The following CRLF3 variants were observed in gnomAD, a reference collection of about 807,000 sequenced individuals.
CRLF3 encodes cytokine receptor like factor 3, also known as cytokine receptor-like factor 3.
CRLF3 carries 33 observed loss-of-function variants against 55.0 expected under a neutral mutation model. The ratio of observed to expected loss-of-function variants is 0.60; its 90% confidence interval spans 0.46 to 0.80. CRLF3 has a LOEUF of 0.80. CRLF3 is among the 30% of genes least tolerant of loss of function. The pLI is 0.00. For synonymous variants in CRLF3, 238 were observed against 196.8 expected (o/e 1.21, Z -1.75); for missense variants, 494 against 538.4 (o/e 0.92, Z 0.82).
intron 6 of CRLF3, among the ~76,000 whole-genome samples, chr17:30,789,958 CTGGGGAATAGTTAAATAGATTTTAGGTA>C (rs1258601954): frequency 1.3e-5 from 2 of 151,552 alleles, no homozygotes; most frequent in Non-Finnish European, 2.9e-5. Context: ...TCATGATTAC[CTGGGGAATAGTTAAATAGATTTTAGGTA>C]TTAGTTGTTT....
Position 30,784,414 on chromosome 17 carries a change from T to C in CRLF3, c.1102A>G (p.Thr368Ala). 6.2e-7 allele frequency: 1 copy of C among 1,613,272 alleles called. No individual in the cohort carries two copies. The highest frequency in any genetic ancestry group is 2.2e-5 in the East Asian group (1 of 44,850). Residue 368 changes from threonine (T) to alanine (A), a missense_variant, in exon 8 of 8, where the codon ACA (threonine) becomes GCA (alanine). Coordinates refer to ENST00000324238, the MANE Select transcript of CRLF3 (RefSeq NM_015986.4). ...GAAGTAACTGCGGGTAACTGATTTG[T>C]CATTTCTTTTCCATTGACAAAAACT... ...GAVFVNGKEMTNQLPAVTSGS... is the reference protein window; with the variant it reads ...GAVFVNGKEMANQLPAVTSGS...
intron 1 of CRLF3, among the ~76,000 whole-genome samples, chr17:30,821,361 AG>A (rs80125482): frequency 0.13 from 20,241 of 151,136 alleles, 1,485 homozygotes; most frequent in South Asian, 0.25. Context: ...AAAAGAAAAA[AG>A]GAAAAAAAGT....
At chr17:30,793,294 A>G (rs1180661909) in intron 5 of CRLF3, among the ~76,000 whole-genome samples, 156 bp downstream of exon 5, 5 of 152,158 alleles carry the variant, frequency 3.3e-5, no homozygotes, top group African/African-American at 4.8e-5. Flanking sequence ...CAAAAATCAC[A>G]TGAGGTAATC....
intron 1 of CRLF3, among the ~76,000 whole-genome samples, chr17:30,822,349 C>A (rs910584002): frequency 5.3e-5 from 8 of 152,146 alleles, no homozygotes; most frequent in African/African-American, 1.7e-4. Context: ...TGCCACAAAC[C>A]CAAACATGCA....
intron 2 of CRLF3, among the ~76,000 whole-genome samples, chr17:30,802,019 G>A (rs1372264265): frequency 6.6e-6 from 1 of 151,926 alleles, no homozygotes; most frequent in Non-Finnish European, 1.5e-5. Flanking sequence ...TCCAGACAAA[G>A]TTAAGAACTT....
chr17:30,791,102 G>A (rs1272717554), intron 6 of CRLF3, among the ~76,000 whole-genome samples: 1 of 150,826 alleles, frequency 6.6e-6, no homozygotes, highest in African/African-American at 2.4e-5. Flanking sequence ...TTTTCTTTTT[G>A]AGACGGGTCT....
At chr17:30,823,191 C>G (rs1449502343) in intron 1 of CRLF3, among the ~76,000 whole-genome samples, 1 of 151,792 alleles carries the variant, frequency 6.6e-6, no homozygotes, top group Non-Finnish European at 1.5e-5. Flanking sequence ...GTGAAACCTC[C>G]TCTCTACTAA....
At chr17:30,809,819 T>A (rs1273757177) in intron 1 of CRLF3, 1 of 152,110 alleles carries the variant, frequency 6.6e-6, no homozygotes, top group Non-Finnish European at 1.5e-5. Context: ...CCCAGCTATA[T>A]TTTGTATTTT....
chr17:30,802,192 G>A (rs1037370096), intron 2 of CRLF3, among the ~76,000 whole-genome samples: 21 of 151,388 alleles, frequency 1.4e-4, no homozygotes, highest in African/African-American at 5.1e-4. Flanking sequence ...GTGCAATCTC[G>A]GCTAACTGCA....
At chr17:30,805,933 G>C (rs540522127) in intron 1 of CRLF3, among the ~76,000 whole-genome samples, 1 of 152,122 alleles carries the variant, frequency 6.6e-6, no homozygotes, top group Non-Finnish European at 1.5e-5. Context: ...TGAGGTGGGA[G>C]GATCACCTGA....
intron 6 of CRLF3, among the ~76,000 whole-genome samples, chr17:30,788,599 C>CTT (rs1159336036): frequency 0.024 from 1,909 of 80,022 alleles, 270 homozygotes; most frequent in African/African-American, 0.094. Context: ...GTAGTGCCTT[C>CTT]TTTTTTTTTT....
chr17:30,784,832 C>T, intron 7 of CRLF3: 1 of 171,106 alleles, frequency 5.8e-6, no homozygotes, highest in African/African-American at 2.4e-5. Flanking sequence ...GATCTGGACT[C>T]ACTGCAACCT....
intron 1 of CRLF3, among the ~76,000 whole-genome samples, chr17:30,807,594 G>A (rs1348413176): frequency 2.2e-5 from 3 of 134,686 alleles, no homozygotes; most frequent in African/African-American, 5.6e-5. Context: ...GTGCAGTGGC[G>A]CAATCTCGGC....
At chr17:30,790,245 C>T (rs1453430049) in intron 6 of CRLF3, among the ~76,000 whole-genome samples, 3 of 152,010 alleles carry the variant, frequency 2.0e-5, no homozygotes, top group Non-Finnish European at 4.4e-5. Context: ...ACAATAAAAT[C>T]CCATCTCAAG....
Position 30,796,289 on chromosome 17 carries a change from C to G in CRLF3, c.474G>C (p.Gln158His). The G allele has an allele frequency of 6.2e-7, 1 of 1,614,060 alleles. No individual in the cohort carries two copies. The highest frequency in any genetic ancestry group is 8.5e-7 in the Non-Finnish European group (1 of 1,179,974). ...CTATGTTAAGAATTGAGTCATCCAA[C>G]TGAGCAGATAAACAAGGCACATCAA... ...LLVDVPCLSA[Q>H]LDDSILNIVK... The change falls in exon 4 of 8, where the codon CAG becomes CAC. Residue 158 changes from glutamine to histidine, a missense_variant. By Grantham distance (24) the Gln-to-His change is conservative. Transcript: ENST00000324238.
intron 3 of CRLF3, among the ~76,000 whole-genome samples, chr17:30,796,714 G>A (rs1971923070): frequency 6.6e-6 from 1 of 150,746 alleles, no homozygotes; most frequent in Admixed American, 6.6e-5. Context: ...GTGGTAATGG[G>A]CAGTGAAACG....
At chr17:30,808,785 G>A (rs1305846632) in intron 1 of CRLF3, among the ~76,000 whole-genome samples, 1 of 151,764 alleles carries the variant, frequency 6.6e-6, no homozygotes, top group Non-Finnish European at 1.5e-5. Context: ...AGTAGAGACG[G>A]GGTTTCACCA....
At chr17:30,812,718 G>T (rs763324506) in intron 1 of CRLF3, among the ~76,000 whole-genome samples, 1 of 152,064 alleles carries the variant, frequency 6.6e-6, no homozygotes, top group African/African-American at 2.4e-5. Context: ...GCAGTCACAC[G>T]TGCACAGCAA....
At chr17:30,797,628 C>G (rs1207191958) in intron 2 of CRLF3, among the ~76,000 whole-genome samples, 1 of 152,132 alleles carries the variant, frequency 6.6e-6, no homozygotes, top group Non-Finnish European at 1.5e-5. Flanking sequence ...GATGAAAAAT[C>G]TATCTACTCT....
Sources: allele counts gnomAD v4.1 joint callset (sites outside exome capture counted in the v4.1 genomes callset), GRCh38; gene constraint gnomAD v4.1.1; transcripts MANE v1.5; gene names NCBI Gene and HGNC (gene_info 2026-07-23, HGNC 2026-07-21).